Variants in ULK4 observed in about 807,000 individuals in gnomAD.
ULK4 encodes the protein unc-51 like kinase 4, also known as inactive serine/threonine-protein kinase ULK4.
In ULK4, 133 loss-of-function variants were observed where a neutral mutation model predicts 160.6. The observed-to-expected ratio is 0.83, with a 90% CI of 0.72 to 0.96. The LOEUF is 0.96. ULK4 is among the 40% of genes least tolerant of loss of function. The pLI is 0.00. For synonymous variants in ULK4, 534 were observed against 539.8 expected (o/e 0.99, Z 0.15); for missense variants, 1,580 against 1,499.5 (o/e 1.05, Z -0.89).
intron 32 of ULK4, among the ~76,000 whole-genome samples, chr3:41,565,750 G>A (rs1242895686): frequency 6.6e-6 from 1 of 152,128 alleles, no homozygotes; most frequent in Non-Finnish European, 1.5e-5. Flanking sequence ...GAAAACAGAT[G>A]AAGACAGATA....
chr3:41,515,368 A>G (rs1314768793), intron 32 of ULK4, among the ~76,000 whole-genome samples: 1 of 152,216 alleles, frequency 6.6e-6, no homozygotes, highest in Non-Finnish European at 1.5e-5. Context: ...ATAGAATACT[A>G]TATAGTAATT....
chr3:41,442,470 A>G (rs888842888), intron 34 of ULK4, among the ~76,000 whole-genome samples: 1 of 152,190 alleles, frequency 6.6e-6, no homozygotes, highest in Non-Finnish European at 1.5e-5. Flanking sequence ...AGTAGTCCTC[A>G]CTTTGCATGG....
intron 35 of ULK4, among the ~76,000 whole-genome samples, chr3:41,300,154 G>A (rs1421498540): frequency 2.0e-5 from 3 of 152,200 alleles, no homozygotes; most frequent in Admixed American, 6.5e-5. Flanking sequence ...GGAAAAATGA[G>A]AGCATTGGTT....
At chr3:41,300,841 A>T (rs1163460407) in intron 35 of ULK4, among the ~76,000 whole-genome samples, 1 of 29,222 alleles carries the variant, frequency 3.4e-5, no homozygotes, top group Non-Finnish European at 7.6e-5. Flanking sequence ...TACAGATTAT[A>T]TATATATATA....
At chr3:41,254,693 C>T (rs976371999) in intron 35 of ULK4, among the ~76,000 whole-genome samples, 1 of 151,838 alleles carries the variant, frequency 6.6e-6, no homozygotes, top group African/African-American at 2.4e-5. Context: ...ACCAGCCTGG[C>T]CAACATGGTG....
chr3:41,298,342 G>A (rs2079713636), intron 35 of ULK4, among the ~76,000 whole-genome samples: 1 of 152,174 alleles, frequency 6.6e-6, no homozygotes, highest in Non-Finnish European at 1.5e-5. Flanking sequence ...TAAAGATAAA[G>A]AGTTTAGGGA....
rs1193358107 is a variant in ULK4, at chr3:41,690,339, C to T, written c.2782-8535G>A. On this transcript the variant is annotated intron_variant, in intron 27 of 36. Coordinates refer to ENST00000301831, the MANE Select transcript of ULK4 (RefSeq NM_017886.4). ...ATAGCTTTAGGAGATATACCTAATG[C>T]TAAATGACGAGTTAATGGGTGCAGC... is the stretch of plus-strand genomic sequence containing the variant. Among the ~76,000 whole-genome samples, 6 of 151,072 alleles carry T rather than the reference C, an allele frequency of 4.0e-5. No individual in the cohort carries two copies. The East Asian group carries it at 9.7e-4, about 24-fold the overall frequency.
intron 3 of ULK4, chr3:41,937,272 T>C: frequency 3.0e-6 from 2 of 670,918 alleles, no homozygotes; most frequent in Non-Finnish European, 5.4e-6. Context: ...AAAAAACTAA[T>C]TCCAGGACTG....
chr3:41,857,403 CT>C (rs2042385910), intron 17 of ULK4, among the ~76,000 whole-genome samples: 1 of 152,104 alleles, frequency 6.6e-6, no homozygotes, highest in African/African-American at 2.4e-5. Flanking sequence ...CCATAGTTTT[CT>C]TTTTTTGATA....
intron 17 of ULK4, among the ~76,000 whole-genome samples, chr3:41,844,130 G>A (rs11928601): frequency 0.065 from 9,876 of 152,232 alleles, 907 homozygotes; most frequent in African/African-American, 0.2. Context: ...CACCGGGGCC[G>A]CAGGTGGAGC....
At position 41,832,312 on chromosome 3, in the gene ULK4, T is replaced by C. The variant is rs184134400; in HGVS notation, c.1764+3552A>G. Among the ~76,000 whole-genome samples the C allele has an allele frequency of 3.3e-5, 5 of 152,360 alleles. No homozygotes were observed. In the East Asian group the frequency reaches 5.8e-4, roughly 18 times the overall value. On this transcript the variant is annotated intron_variant, in intron 18 of 36. Coordinates refer to ENST00000301831, the MANE Select transcript of ULK4 (RefSeq NM_017886.4). ...ATCAGTGATAATGAGCTTTTTTTCA[T>C]ATGTTTGTTGGCCACATAAATGTCT...
chr3:41,710,778 G>C (rs1392918842), intron 25 of ULK4, among the ~76,000 whole-genome samples: 2 of 147,292 alleles, frequency 1.4e-5, no homozygotes, highest in African/African-American at 5.3e-5. Context: ...GGAGACACAG[G>C]GAGACTCTTG....
At chr3:41,602,296 G>GAAAGC (rs2032131080) in intron 31 of ULK4, among the ~76,000 whole-genome samples, 2 of 129,908 alleles carry the variant, frequency 1.5e-5, no homozygotes, top group South Asian at 4.9e-4. Flanking sequence ...GAAAGGAAAG[G>GAAAGC]AAAGGAAAGG....
intron 21 of ULK4, among the ~76,000 whole-genome samples, chr3:41,769,945 A>G (rs1055079441): frequency 2.0e-5 from 3 of 152,352 alleles, no homozygotes; most frequent in Non-Finnish European, 4.4e-5. Flanking sequence ...GAAATCATGT[A>G]GATAACCACA....
intron 19 of ULK4, among the ~76,000 whole-genome samples, chr3:41,813,155 G>T (rs1255959778): frequency 3.9e-5 from 6 of 152,108 alleles, no homozygotes; most frequent in African/African-American, 1.4e-4. Context: ...GGCCTGTCAG[G>T]GCAGGTGGGG....
chr3:41,622,113 A>C lies in ULK4; in HGVS notation c.3072-6396T>G, dbSNP rs148739850. ...AATTATTAAAAAGTCAGGAAACACC[A>C]GATACTGGCAAGGCTGTGGAGAAAT... On this transcript the variant is annotated intron_variant, in intron 30 of 36. Transcript: ENST00000301831. Among the ~76,000 whole-genome samples the C allele has an allele frequency of 8.8e-3, 1,343 of 152,334 alleles. 77 individuals carry two copies. The highest frequency in any genetic ancestry group is 0.08 in the Admixed American group (1,220 of 15,302).
At chr3:41,917,961 T>G (rs9868616) in intron 7 of ULK4, among the ~76,000 whole-genome samples, 4,377 of 151,892 alleles carry the variant, frequency 0.029, 225 homozygotes, top group African/African-American at 0.1. Context: ...CACTCCAGCC[T>G]GGGCAACAGA....
chr3:41,888,332 T>C (rs571340011), intron 16 of ULK4, among the ~76,000 whole-genome samples: 1 of 152,234 alleles, frequency 6.6e-6, no homozygotes, highest in Non-Finnish European at 1.5e-5. Context: ...TGATAACTGA[T>C]AACTAGAAAC....
chr3:41,374,451 G>C (rs1315039101), intron 35 of ULK4, among the ~76,000 whole-genome samples: 1 of 152,104 alleles, frequency 6.6e-6, no homozygotes, highest in African/African-American at 2.4e-5. Flanking sequence ...GATCAAGTTG[G>C]CTTAATCTCT....
Sources: gnomAD v4.1 joint callset for allele counts (sites outside exome capture counted in the v4.1 genomes callset) on GRCh38, gnomAD v4.1.1 for gene constraint, MANE v1.5 for transcripts, NCBI Gene and HGNC (gene_info 2026-07-23, HGNC 2026-07-21) for gene names.